MID1: variants seen among roughly 807,000 people sequenced by gnomAD.
The protein encoded by MID1 is E3 ubiquitin-protein ligase Midline-1.
Under a neutral mutation model 40.4 loss-of-function variants are expected in MID1, and 7 were observed. The ratio of observed to expected loss-of-function variants is 0.17; its 90% CI spans 0.10 to 0.33. MID1 has a LOEUF of 0.33. Ranked by LOEUF, MID1 falls within the 10% of genes least tolerant of loss-of-function variation. The pLI is 1.00. For missense variants in MID1, 367 were observed against 558.5 expected (o/e 0.66, Z 3.46); for synonymous variants, 229 against 221.2 (o/e 1.04, Z -0.31).
At chrX:10,713,271 T>G (rs150485885) in intron 1 of MID1, among the ~76,000 whole-genome samples, 1,581 of 111,524 alleles carry the variant, frequency 0.014, 15 homozygotes, top group Non-Finnish European at 0.021. Flanking sequence ...AACCACTGCT[T>G]TAGCTGAAAA....
At chrX:10,590,785 T>C (rs928528638) in intron 1 of MID1, among the ~76,000 whole-genome samples, 3 of 112,269 alleles carry the variant, frequency 2.7e-5, no homozygotes. Context: ...AAAACACGAA[T>C]ACAAGGCATG....
intron 1 of MID1, chrX:10,677,364 C>A (rs1305370325): frequency 8.9e-6 from 1 of 112,126 alleles, no homozygotes; most frequent in Non-Finnish European, 1.9e-5. Context: ...AAATTCAAAT[C>A]CTCTTCTAAC....
intron 1 of MID1, among the ~76,000 whole-genome samples, chrX:10,825,393 G>A (rs2044208265): frequency 8.9e-6 from 1 of 111,936 alleles, no homozygotes; most frequent in African/African-American, 3.2e-5. Context: ...AGCCAGAAAG[G>A]AATTCGCTGA....
At chrX:10,698,223 G>C (rs1044372024) in intron 1 of MID1, among the ~76,000 whole-genome samples, 2 of 108,809 alleles carry the variant, frequency 1.8e-5, no homozygotes, top group African/African-American at 6.6e-5. Flanking sequence ...TTGACATTCT[G>C]ATGTGGTGAC....
intron 1 of MID1, among the ~76,000 whole-genome samples, chrX:10,726,760 A>G (rs1390782874): frequency 1.8e-5 from 2 of 112,584 alleles, no homozygotes; most frequent in Non-Finnish European, 3.8e-5. Context: ...TGTAACCACT[A>G]TACTTCAGCA....
chrX:10,580,302 G>GTA (rs1934979934), intron 1 of MID1, among the ~76,000 whole-genome samples: 1 of 105,137 alleles, frequency 9.5e-6, no homozygotes, highest in Admixed American at 1.1e-4. Flanking sequence ...AGCTAACTTA[G>GTA]TATATAGTCC....
At chrX:10,483,576 C>T (rs1157210783) in intron 4 of MID1, among the ~76,000 whole-genome samples, 1 of 111,909 alleles carries the variant, frequency 8.9e-6, no homozygotes, top group Non-Finnish European at 1.9e-5. Context: ...CTGCCCCCAA[C>T]CACACACCCA....
chrX:10,549,450 C>A (rs1933824747), intron 2 of MID1, among the ~76,000 whole-genome samples: 1 of 113,289 alleles, frequency 8.8e-6, no homozygotes, highest in Non-Finnish European at 1.9e-5. Flanking sequence ...TCCGGCCAGT[C>A]ACCTATTTTT....
At chrX:10,598,403 T>C (rs962298775) in intron 1 of MID1, among the ~76,000 whole-genome samples, 1 of 111,956 alleles carries the variant, frequency 8.9e-6, no homozygotes, top group Non-Finnish European at 1.9e-5. Flanking sequence ...CTTTCTAAAA[T>C]GGCAGCCCAA....
At chrX:10,620,748 A>C (rs981931036), upstream of MID1, 1 of 112,419 alleles carries the variant, frequency 8.9e-6, no homozygotes, top group African/African-American at 3.2e-5. Context: ...AAGCTCCAAA[A>C]GTAAAGGATG....
chrX:10,795,361 T>C (rs749042332), intron 1 of MID1, among the ~76,000 whole-genome samples: 4 of 112,929 alleles, frequency 3.5e-5, no homozygotes, highest in Admixed American at 1.9e-4. Flanking sequence ...TGGACACTTA[T>C]TGTCCTTTTA....
intron 1 of MID1, among the ~76,000 whole-genome samples, chrX:10,803,531 T>G (rs1017128555): frequency 9.1e-6 from 1 of 110,322 alleles, no homozygotes; most frequent in Non-Finnish European, 1.9e-5. Flanking sequence ...TTTTGTATTT[T>G]TAGTAGAGAC....
chrX:10,666,556 G>T (rs1428031539), intron 1 of MID1, among the ~76,000 whole-genome samples: 1 of 111,805 alleles, frequency 8.9e-6, no homozygotes, highest in African/African-American at 3.3e-5. Flanking sequence ...ATTGGATATG[G>T]AGGTATACTC....
intron 1 of MID1, among the ~76,000 whole-genome samples, chrX:10,619,589 C>G (rs1024101654): frequency 8.9e-6 from 1 of 112,519 alleles, no homozygotes; most frequent in Non-Finnish European, 1.9e-5. Context: ...TAAACCTCTT[C>G]CTGGACTGAT....
At chrX:10,537,307 G>T (rs1427123532) in intron 2 of MID1, among the ~76,000 whole-genome samples, 1 of 111,711 alleles carries the variant, frequency 9.0e-6, no homozygotes, top group Admixed American at 9.5e-5. Context: ...TGGACTCAGT[G>T]TACCTCTTCA....
At chrX:10,792,781 G>GAT (rs1294941039) in intron 1 of MID1, among the ~76,000 whole-genome samples, 5 of 111,639 alleles carry the variant, frequency 4.5e-5, no homozygotes, top group Non-Finnish European at 1.9e-5. Flanking sequence ...TTTCTTTATA[G>GAT]GGTGATGAAA....
rs757240033 is a variant in MID1, at chrX:10,626,346, A to ATT, written c.-186-5928_-186-5927insAA. On this transcript the variant is annotated intron_variant, in intron 1 of 10. Transcript: ENST00000380785. ...TATTATTATTATTATTATTATTATT[A>ATT]AAGACTAGGTCTCGCTGTGTTGCCC... 4.7e-5 allele frequency among the ~76,000 whole-genome samples: 5 copies of ATT among 106,831 alleles called. No homozygotes were observed. In the South Asian group the frequency reaches 2.1e-3, roughly 44 times the overall value. 92.8% of individuals were successfully genotyped at this position (106,831 alleles called of 115,157 possible). A position where few individuals can be genotyped will look rare whatever the true frequency, so the allele number is the denominator to read the frequency against.
chrX:10,809,621 C>A (rs994361701), intron 1 of MID1, among the ~76,000 whole-genome samples: 7 of 111,142 alleles, frequency 6.3e-5, no homozygotes, highest in Non-Finnish European at 1.3e-4. Context: ...AGTTCATGTC[C>A]TTTGTAGGGA....
At chrX:10,704,330 T>A (rs1157375975) in intron 1 of MID1, among the ~76,000 whole-genome samples, 3 of 111,740 alleles carry the variant, frequency 2.7e-5, no homozygotes, top group Non-Finnish European at 5.6e-5. Flanking sequence ...CAACGTTTTC[T>A]TATGACTTTT....
Sources: gnomAD v4.1 joint callset for allele counts (sites outside exome capture counted in the v4.1 genomes callset) on GRCh38, gnomAD v4.1.1 for gene constraint, MANE v1.5 for transcripts, NCBI Gene and HGNC (gene_info 2026-07-23, HGNC 2026-07-21) for gene names.